SMG6: variants seen among roughly 807,000 people sequenced by gnomAD.
The protein encoded by SMG6 is SMG6 nonsense mediated mRNA decay factor, also known as telomerase-binding protein EST1A.
SMG6 carries 66 observed loss-of-function variants against 142.2 expected under a neutral mutation model. The ratio of observed to expected loss-of-function variants is 0.46; its 90% CI spans 0.38 to 0.57. The LOEUF is 0.57. Among genes scored for constraint, SMG6 ranks in the 20% least tolerant of loss-of-function variants. The probability of loss-of-function intolerance (pLI) is 0.00; values close to 1 mark genes in which losing one functional copy is unlikely to be tolerated. For missense variants in SMG6, 1,793 were observed against 1,832.0 expected, an observed-to-expected ratio of 0.98 and a Z score of 0.39; for synonymous variants, 779 against 702.4, an observed-to-expected ratio of 1.11 and a Z score of -1.72.
chr17:2,282,625 T>C (rs745947785), intron 8 of SMG6, 22 bp downstream of exon 8: 16 of 1,612,214 alleles, frequency 9.9e-6, no homozygotes, highest in Non-Finnish European at 1.3e-5. Context: ...TTTGGCTCAT[T>C]GCATCATTCT....
intron 8 of SMG6, chr17:2,266,049 G>A: frequency 6.1e-6 from 6 of 985,372 alleles, no homozygotes; most frequent in Non-Finnish European, 7.2e-6. Flanking sequence ...ACCAGGAAGA[G>A]CACAGAAATG....
intron 13 of SMG6, among the ~76,000 whole-genome samples, chr17:2,144,376 T>C (rs9902945): frequency 0.18 from 27,718 of 151,882 alleles, 2,589 homozygotes; most frequent in South Asian, 0.26. Flanking sequence ...CATTAATTTT[T>C]AAATCTTTTT....
At chr17:2,280,099 T>C (rs1011104360) in intron 8 of SMG6, among the ~76,000 whole-genome samples, 1 of 152,088 alleles carries the variant, frequency 6.6e-6, no homozygotes, top group Non-Finnish European at 1.5e-5. Flanking sequence ...TTACTTCTTA[T>C]CAATGTGTGT....
At chr17:2,267,396 G>T (rs182717548) in intron 8 of SMG6, among the ~76,000 whole-genome samples, 1 of 151,774 alleles carries the variant, frequency 6.6e-6, no homozygotes, top group Admixed American at 6.6e-5. Flanking sequence ...GTATCCCTAC[G>T]TTGTCAAGGC....
intron 8 of SMG6, among the ~76,000 whole-genome samples, chr17:2,271,000 G>C (rs1416742648): frequency 6.6e-6 from 1 of 151,992 alleles, no homozygotes; most frequent in Non-Finnish European, 1.5e-5. Context: ...GTGTTACTTT[G>C]ATAAAACAGA....
At chr17:2,144,047 C>T (rs1359795357) in intron 13 of SMG6, among the ~76,000 whole-genome samples, 3 of 123,860 alleles carry the variant, frequency 2.4e-5, no homozygotes, top group African/African-American at 9.5e-5. Context: ...CCACCACGGC[C>T]GCTTTTTTTT....
chr17:2,134,093 T>C (rs1449001844), intron 13 of SMG6, among the ~76,000 whole-genome samples: 1 of 152,192 alleles, frequency 6.6e-6, no homozygotes, highest in East Asian at 1.9e-4. Flanking sequence ...AGTTCTGGGT[T>C]CTGACCTAGT....
At chr17:2,244,812 G>T in intron 8 of SMG6, 93 bp from the exon 9 acceptor site, 2 of 1,033,892 alleles carry the variant, frequency 1.9e-6, no homozygotes, top group South Asian at 1.3e-5. Flanking sequence ...AACCTGGCCA[G>T]GGTCTAAGGG....
In SMG6 at chr17:2,175,611, C is replaced by T. The variant is rs563533884; in HGVS notation, c.3156-2752G>A. ...ACGCCTTTTTGCCCATTACCACCCA[C>T]CTTGTACCAAAACCTTGAGACTCAC... is the stretch of plus-strand genomic sequence containing the variant. On this transcript the variant is annotated intron_variant, in intron 12 of 18. Coordinates refer to ENST00000263073, the MANE Select transcript of SMG6 (RefSeq NM_017575.5). 7.9e-5 allele frequency among the ~76,000 whole-genome samples: 12 copies of T among 152,272 alleles called. No homozygotes were observed. The South Asian group carries it at 2.5e-3, about 32-fold the overall frequency.
intron 13 of SMG6, among the ~76,000 whole-genome samples, chr17:2,112,524 AAAATAAATAAAT>A (rs141512888): frequency 0.034 from 4,806 of 139,680 alleles, 101 homozygotes; most frequent in East Asian, 0.057. Context: ...AATAAAATAA[AAAATAAATAAAT>A]AAATAAATAA....
intron 10 of SMG6, among the ~76,000 whole-genome samples, chr17:2,222,909 C>T (rs756314364): frequency 1.3e-5 from 2 of 152,188 alleles, no homozygotes; most frequent in African/African-American, 4.8e-5. Context: ...ACTTACGAAA[C>T]ATTTTCCTCT....
chr17:2,239,930 C>T (rs2073759695), intron 9 of SMG6: 1 of 152,078 alleles, frequency 6.6e-6, no homozygotes. Flanking sequence ...TAACTGTGAT[C>T]AAGGCAATAA....
At chr17:2,091,259 G>A (rs924988500) in intron 13 of SMG6, among the ~76,000 whole-genome samples, 12 of 152,198 alleles carry the variant, frequency 7.9e-5, no homozygotes, top group Admixed American at 6.5e-4. Flanking sequence ...CAGAGGAAAT[G>A]GTTTATTCAC....
chr17:2,065,642 C>G lies in SMG6; in HGVS notation c.3873G>C (p.Glu1291Asp), dbSNP rs761191898. The G allele has an allele frequency of 3.1e-6, 5 of 1,613,722 alleles. No individual in the cohort carries two copies. In the East Asian group the frequency reaches 1.1e-4, roughly 36 times the overall value. The change falls in exon 17 of 19, where the codon GAG (glutamate) becomes GAC (aspartate). Residue 1291 changes from glutamate to aspartate, a missense_variant. By Grantham distance (45) the Glu-to-Asp change is conservative (BLOSUM62 2). This residue lies in a region of SMG6 where 179 missense variants were observed against 212.6 expected (regional missense o/e 0.84). Transcript: ENST00000263073. ...CGTAGCCCCCAGCCCGGTGGTCTGT[C>G]TCCTGCCCCTTGGCCAGGCCGTCCA... Reference protein sequence around the residue: ...NELDGLAKGQETDHRAGGYAR... With the variant: ...NELDGLAKGQDTDHRAGGYAR...
At chr17:2,117,612 A>T (rs1024703588) in intron 13 of SMG6, 3 of 152,236 alleles carry the variant, frequency 2.0e-5, no homozygotes, top group Non-Finnish European at 4.4e-5. Context: ...TAAGACCTGT[A>T]CAGTGAAAAG....
Position 2,069,684 on chromosome 17 carries a change from G to A in SMG6, c.3682-753C>T, listed in dbSNP as rs78328974. On this transcript the variant is annotated intron_variant, in intron 15 of 18. Coordinates refer to ENST00000263073, the MANE Select transcript of SMG6 (RefSeq NM_017575.5). ...AAGTGATACTGACAGCTAATAATAC[G>A]AAATTCTCCTGCAGCAGCAGCCGAA... Among the ~76,000 whole-genome samples, 1,512 of 152,304 alleles carry A rather than the reference G, an allele frequency of 9.9e-3. 26 individuals are homozygous for A. The highest frequency in any genetic ancestry group is 0.031 in the Middle Eastern group (9 of 294).
Position 2,183,820 on chromosome 17 carries a change from G to T in SMG6, c.3155+2843C>A, listed in dbSNP as rs992371188. 2.0e-5 allele frequency among the ~76,000 whole-genome samples: 3 copies of T among 151,698 alleles called. No homozygotes were observed. In the South Asian group the frequency reaches 6.3e-4, roughly 32 times the overall value. On this transcript the variant is annotated intron_variant, in intron 12 of 18. Transcript: ENST00000263073. ...AGAGGCAGACGAAAGCAGAGGCAAA[G>T]AGAAAGACAGAGGCAGGCAGGCAGA...
Position 2,070,016 on chromosome 17 carries a change from A to T in SMG6, c.3682-1085T>A, listed in dbSNP as rs145247636. Among the ~76,000 whole-genome samples the T allele has an allele frequency of 6.0e-4, 92 of 152,296 alleles. 1 individual carries two copies. The highest frequency in any genetic ancestry group is 2.0e-3 in the African/African-American group (85 of 41,560). Reference sequence around the variant, plus strand: ...AGTGCAAGCTAAACTGCCAAACAAAAAGTAGACAAAAGAATAAAAGCAGAA... The same window carrying T: ...AGTGCAAGCTAAACTGCCAAACAAATAGTAGACAAAAGAATAAAAGCAGAA... On this transcript the variant is annotated intron_variant, in intron 15 of 18. Coordinates refer to ENST00000263073, the MANE Select transcript of SMG6 (RefSeq NM_017575.5).
intron 14 of SMG6, 87 bp from the exon 15 acceptor site, chr17:2,082,043 C>T (rs1425378484): frequency 2.1e-6 from 3 of 1,428,132 alleles, no homozygotes; most frequent in Non-Finnish European, 2.9e-6. Context: ...CCCTTGTGGC[C>T]CCTCACCCAC....
Sources: gnomAD v4.1 joint callset for allele counts (sites outside exome capture counted in the v4.1 genomes callset) on GRCh38, gnomAD v4.1.1 for gene constraint, gnomAD v4.1.1 regional missense constraint, MANE v1.5 for transcripts, NCBI Gene and HGNC (gene_info 2026-07-23, HGNC 2026-07-21) for gene names.